The following KIF18A variants were observed in gnomAD, a reference collection of about 807,000 sequenced individuals.
KIF18A encodes kinesin-like protein KIF18A.
KIF18A carries 67 observed loss-of-function variants against 103.3 expected under a neutral mutation model. That is an observed-to-expected ratio of 0.65 (90% CI 0.53 to 0.79). The LOEUF is 0.79. Ranked by LOEUF, KIF18A falls within the 30% of genes least tolerant of loss-of-function variation. The pLI is 0.00. For missense variants in KIF18A, 1,032 were observed against 1,062.5 expected, an observed-to-expected ratio of 0.97 and a Z score of 0.40; for synonymous variants, 367 against 355.5, an observed-to-expected ratio of 1.03 and a Z score of -0.36.
intron 10 of KIF18A, among the ~76,000 whole-genome samples, chr11:28,072,361 A>G (rs1474440114): frequency 6.6e-6 from 1 of 152,186 alleles, no homozygotes; most frequent in African/African-American, 2.4e-5. Context: ...GAAATTACCC[A>G]GGAGCTTCCC....
intron 15 of KIF18A, among the ~76,000 whole-genome samples, chr11:28,026,994 T>G (rs1009206225): frequency 6.6e-6 from 1 of 151,766 alleles, no homozygotes; most frequent in Non-Finnish European, 1.5e-5. Flanking sequence ...AATTTTAAAT[T>G]TACACATTCC....
chr11:28,081,127 GA>G (rs1201198827), intron 9 of KIF18A, among the ~76,000 whole-genome samples: 5 of 152,040 alleles, frequency 3.3e-5, no homozygotes, highest in Admixed American at 6.6e-5. Flanking sequence ...AAAAGTGTAA[GA>G]AAAAAAGCCT....
At chr11:28,045,848 C>T (rs1850624963) in intron 13 of KIF18A, among the ~76,000 whole-genome samples, 2 of 151,736 alleles carry the variant, frequency 1.3e-5, no homozygotes, top group Admixed American at 1.3e-4. Context: ...AACAAATTTA[C>T]AAGAAAAAAA....
intron 5 of KIF18A, among the ~76,000 whole-genome samples, chr11:28,090,209 T>G (rs955371817): frequency 3.3e-5 from 5 of 152,190 alleles, no homozygotes; most frequent in Admixed American, 3.3e-4. Flanking sequence ...CATACTTCCT[T>G]AAGGAATGCG....
chr11:28,047,515 T>A (rs1039528120), intron 13 of KIF18A, among the ~76,000 whole-genome samples: 2 of 152,114 alleles, frequency 1.3e-5, no homozygotes, highest in African/African-American at 4.8e-5. Flanking sequence ...ACAACCAGAA[T>A]TTAGTACTAG....
intron 10 of KIF18A, among the ~76,000 whole-genome samples, chr11:28,074,936 T>C (rs1044968246): frequency 1.3e-5 from 2 of 152,098 alleles, no homozygotes; most frequent in Non-Finnish European, 2.9e-5. Context: ...CTGGGGAGAA[T>C]TGTCAGTATT....
intron 13 of KIF18A, among the ~76,000 whole-genome samples, chr11:28,040,164 TAAC>T (rs1322022620): frequency 6.6e-6 from 1 of 151,778 alleles, no homozygotes; most frequent in Non-Finnish European, 1.5e-5. Flanking sequence ...TACAATTACA[TAAC>T]AAATAATTAT....
At position 28,091,768 on chromosome 11, in the gene KIF18A, T is replaced by C. The variant is rs771314803; in HGVS notation, c.484-255A>G. On this transcript the variant is annotated intron_variant, in intron 3 of 16. Transcript: ENST00000263181. ...CATCCCCTCACTCATAATTCCTGCC[T>C]TGATGACTATGGTGAAACAGAGATA... is the stretch of plus-strand genomic sequence containing the variant. Among the ~76,000 whole-genome samples, 4 of 152,346 alleles carry C rather than the reference T, an allele frequency of 2.6e-5. No homozygotes were observed. In the South Asian group the frequency reaches 6.2e-4, roughly 24 times the overall value.
chr11:28,087,729 C>T (rs1851246562), intron 6 of KIF18A, among the ~76,000 whole-genome samples: 1 of 152,140 alleles, frequency 6.6e-6, no homozygotes, highest in Non-Finnish European at 1.5e-5. Context: ...TCCTATTTCT[C>T]CACATCCTCT....
At chr11:28,073,700 T>G (rs535519391) in intron 10 of KIF18A, among the ~76,000 whole-genome samples, 95 of 152,302 alleles carry the variant, frequency 6.2e-4, no homozygotes, top group African/African-American at 2.2e-3. Context: ...ATCAGCTGTT[T>G]TTATTATTAC....
intron 5 of KIF18A, among the ~76,000 whole-genome samples, chr11:28,089,009 G>C (rs1851268373): frequency 6.6e-6 from 1 of 152,084 alleles, no homozygotes; most frequent in African/African-American, 2.4e-5. Flanking sequence ...ACCAGGACAT[G>C]GAATTATCAG....
At chr11:28,107,098 C>A (rs192963855) in intron 1 of KIF18A, among the ~76,000 whole-genome samples, 1 of 152,146 alleles carries the variant, frequency 6.6e-6, no homozygotes, top group Non-Finnish European at 1.5e-5. Flanking sequence ...TTCTTACAAA[C>A]TATGAACTTA....
chr11:28,099,506 T>C (rs1851419700), intron 1 of KIF18A, among the ~76,000 whole-genome samples: 1 of 152,204 alleles, frequency 6.6e-6, no homozygotes, highest in Non-Finnish European at 1.5e-5. Context: ...ATATGTTAAT[T>C]AATTAGCCTG....
chr11:28,034,998 A>G (rs960226616), intron 15 of KIF18A, among the ~76,000 whole-genome samples: 17 of 151,690 alleles, frequency 1.1e-4, no homozygotes, highest in Admixed American at 9.2e-4. Flanking sequence ...TTAGTCATAT[A>G]TCTTAATCCA....
chr11:28,030,383 T>C lies in KIF18A; in HGVS notation c.2504+5004A>G, dbSNP rs1850379603. On this transcript the variant is annotated intron_variant, in intron 15 of 16. Transcript: ENST00000263181. Reference sequence around the variant, plus strand: ...GCCCTCAGAAATAATACCATACATCTACAACCATCTGATCTTTGACAAATC... The same window carrying C: ...GCCCTCAGAAATAATACCATACATCCACAACCATCTGATCTTTGACAAATC... Among the ~76,000 whole-genome samples, 5 of 151,802 alleles carry C rather than the reference T, an allele frequency of 3.3e-5. No homozygotes were observed. The South Asian group carries it at 1.0e-3, about 32-fold the overall frequency.
chr11:28,056,522 G>A (rs1295649895), intron 13 of KIF18A, among the ~76,000 whole-genome samples: 1 of 152,008 alleles, frequency 6.6e-6, no homozygotes, highest in Non-Finnish European at 1.5e-5. Context: ...GAGAGCAAAA[G>A]TGACAAAAGC....
intron 7 of KIF18A, 51 bp from the exon 8 acceptor site, chr11:28,083,294 A>T (rs1480594236): frequency 6.7e-7 from 1 of 1,492,198 alleles, no homozygotes; most frequent in Admixed American, 2.7e-5. Flanking sequence ...ATAATCACAG[A>T]GATAAATACA....
rs780497633 is a variant in KIF18A at position 28,036,213 on chromosome 11, G to A, written c.2396+4C>T. 3 of 1,525,910 alleles carry A rather than the reference G, an allele frequency of 2.0e-6. No individual in the cohort carries two copies. Among genetic ancestry groups the A allele is most frequent in the East Asian group, 2.3e-5 (1 of 43,882 alleles). 94.5% of individuals were successfully genotyped at this position (1,525,910 alleles called of 1,614,324 possible). A position where few individuals can be genotyped will look rare whatever the true frequency, so the allele number is the denominator to read the frequency against. ...AAGAATTGGCAAATATTATTTTTTTGTACCGTTGTAAAATGTCTTTGTTAT... is the reference window on the plus strand; with the variant it reads ...AAGAATTGGCAAATATTATTTTTTTATACCGTTGTAAAATGTCTTTGTTAT... On this transcript the variant is annotated splice_donor_region_variant and intron_variant, in intron 14 of 16. Coordinates refer to ENST00000263181, the MANE Select transcript of KIF18A (RefSeq NM_031217.4).
At position 28,035,423 on chromosome 11, in the gene KIF18A, A is replaced by C; in HGVS notation, c.2468T>G (p.Met823Arg). ...VPSMVPSYMA[M>R]TTAAKRKRKL... ...CCGTTTCCTTTTGGCAGCAGTAGTC[A>C]TTGCCATGTAGGATGGCACCATGCT... The change falls in exon 15 of 17, where the codon ATG becomes AGG. Residue 823 changes from methionine to arginine, a missense_variant. Physicochemically the swap from Met to Arg is moderately conservative, Grantham distance 91. Transcript: ENST00000263181. The C allele has an allele frequency of 6.2e-7, 1 of 1,602,228 alleles. No individual in the cohort carries two copies. The highest frequency in any genetic ancestry group is 8.5e-7 in the Non-Finnish European group (1 of 1,173,224).
Sources: gnomAD v4.1 joint callset for allele counts (sites outside exome capture counted in the v4.1 genomes callset) on GRCh38, gnomAD v4.1.1 for gene constraint, MANE v1.5 for transcripts, NCBI Gene and HGNC (gene_info 2026-07-23, HGNC 2026-07-21) for gene names.